BEND7: variants seen among roughly 807,000 people sequenced by gnomAD.
BEND7 encodes BEN domain containing 7.
In BEND7, 28 loss-of-function variants were observed where a neutral mutation model predicts 50.9. The ratio of observed to expected loss-of-function variants is 0.55; its 90% confidence interval spans 0.41 to 0.75. The LOEUF is 0.75. BEND7 is among the 30% of genes least tolerant of loss of function. The pLI is 0.00. For synonymous variants in BEND7, 170 were observed against 183.9 expected (o/e 0.92, Z 0.61); for missense variants, 477 against 491.3 (o/e 0.97, Z 0.28).
chr10:13,488,805 C>G (rs2076444672), intron 5 of BEND7, among the ~76,000 whole-genome samples: 1 of 152,138 alleles, frequency 6.6e-6, no homozygotes, highest in Non-Finnish European at 1.5e-5. Flanking sequence ...GTATTTAGAT[C>G]TGAAATTTAG....
chr10:13,447,124 C>T (rs1836516093), intron 8 of BEND7, 142 bp downstream of exon 8: 3 of 803,360 alleles, frequency 3.7e-6, no homozygotes, highest in Middle Eastern at 2.2e-4. Flanking sequence ...CCTTGAGAAG[C>T]TCCAATGACG....
At chr10:13,481,541 C>T (rs2399970) in intron 5 of BEND7, among the ~76,000 whole-genome samples, 1 of 152,032 alleles carries the variant, frequency 6.6e-6, no homozygotes, top group South Asian at 2.1e-4. Context: ...AGTTACAGAT[C>T]ACTTTCTCAT....
chr10:13,494,685 C>G (rs2076914336), intron 4 of BEND7, among the ~76,000 whole-genome samples: 1 of 152,214 alleles, frequency 6.6e-6, no homozygotes, highest in Non-Finnish European at 1.5e-5. Context: ...CCTCATGATT[C>G]TCAATTAGAA....
At chr10:13,442,822 T>C (rs972605110) in intron 8 of BEND7, 2 of 152,204 alleles carry the variant, frequency 1.3e-5, no homozygotes, top group Non-Finnish European at 2.9e-5. Flanking sequence ...AAATGGCTAT[T>C]TGGGGGGCAC....
At chr10:13,467,285 G>C (rs2074348133) in intron 6 of BEND7, among the ~76,000 whole-genome samples, 1 of 152,166 alleles carries the variant, frequency 6.6e-6, no homozygotes, top group South Asian at 2.1e-4. Flanking sequence ...ATACCTGGAG[G>C]GGAAGTATAC....
chr10:13,528,123 CA>C (rs1481729956), intron 1 of BEND7, among the ~76,000 whole-genome samples: 1 of 152,120 alleles, frequency 6.6e-6, no homozygotes, highest in Non-Finnish European at 1.5e-5. Flanking sequence ...CAGCAAATCT[CA>C]GGTCCGAGGG....
chr10:13,499,194 TAAC>T (rs2077256587), intron 3 of BEND7, among the ~76,000 whole-genome samples: 1 of 152,214 alleles, frequency 6.6e-6, no homozygotes, highest in African/African-American at 2.4e-5. Flanking sequence ...ATTCTTTTCT[TAAC>T]AATTAGGAAA....
At chr10:13,488,528 G>A (rs1183638382) in intron 5 of BEND7, among the ~76,000 whole-genome samples, 2 of 151,888 alleles carry the variant, frequency 1.3e-5, no homozygotes, top group South Asian at 2.1e-4. Flanking sequence ...TTGCTCTGTC[G>A]CCAGGCTGGA....
Position 13,447,334 on chromosome 10 carries a change from A to G in BEND7, c.1184-18T>C, listed in dbSNP as rs1220330040. 6.2e-7 allele frequency: 1 copy of G among 1,613,888 alleles called. No individual in the cohort carries two copies. The highest frequency in any genetic ancestry group is 8.5e-7 in the Non-Finnish European group (1 of 1,179,826). On this transcript the variant is annotated intron_variant, in intron 7 of 8. Transcript: ENST00000466271. The stretch of plus-strand genomic sequence containing the variant: ...CGCGATCTCTGCTGGTTACAAACAT[A>G]AGACACAAATCTCATTAGTTCCAGG...
In BEND7 at chr10:13,447,692, C is replaced by T. The variant is rs536761531; in HGVS notation, c.1184-376G>A. 6.3e-3 allele frequency among the ~76,000 whole-genome samples: 950 copies of T among 151,846 alleles called. 8 individuals are homozygous for T. Among genetic ancestry groups the T allele is most frequent in the African/African-American group, 0.022 (901 of 41,422 alleles). Reference sequence around the variant, plus strand: ...CCGAGTAGCTGGGACTACAGGCGCCCGCCACCACGCCTGGCTAATTTTTTG... The same window carrying T: ...CCGAGTAGCTGGGACTACAGGCGCCTGCCACCACGCCTGGCTAATTTTTTG... On this transcript the variant is annotated intron_variant, in intron 7 of 8. Coordinates refer to ENST00000466271, the MANE Select transcript of BEND7 (RefSeq NM_001369863.1).
Position 13,494,365 on chromosome 10 carries a change from C to T in BEND7, c.572-1489G>A, listed in dbSNP as rs143632664. 5.6e-3 allele frequency among the ~76,000 whole-genome samples: 851 copies of T among 152,200 alleles called. 9 individuals are homozygous for T. Among genetic ancestry groups the T allele is most frequent in the African/African-American group, 0.02 (817 of 41,514 alleles). On this transcript the variant is annotated intron_variant, in intron 4 of 8. Transcript: ENST00000466271. ...CCAGGAGGCGGAGGTTGCAGTGAGCCGAGATTACGCCACTGCACTCCAGCC... is the reference window on the plus strand; with the variant it reads ...CCAGGAGGCGGAGGTTGCAGTGAGCTGAGATTACGCCACTGCACTCCAGCC...
chr10:13,490,063 C>T (rs192796176), intron 5 of BEND7, among the ~76,000 whole-genome samples: 1 of 152,240 alleles, frequency 6.6e-6, no homozygotes. Flanking sequence ...TGAGTAGGGA[C>T]TATTGTTATC....
At chr10:13,494,193 C>A (rs990781655) in intron 4 of BEND7, among the ~76,000 whole-genome samples, 1 of 152,006 alleles carries the variant, frequency 6.6e-6, no homozygotes, top group Non-Finnish European at 1.5e-5. Flanking sequence ...CCGAGGTGGG[C>A]GGATCACGAG....
Position 13,496,862 on chromosome 10 carries a change from C to T in BEND7, c.475G>A (p.Ala159Thr), listed in dbSNP as rs777635118. The change falls in exon 4 of 9, where the codon GCT (alanine) becomes ACT (threonine). Residue 159 changes from alanine to threonine, a missense_variant. Ala to Thr is a moderately conservative substitution (Grantham distance 58, BLOSUM62 0). Around this residue, in one of 3 missense-constraint regions of BEND7, gnomAD observed 396 missense variants for 384.2 expected, o/e 1.03. Coordinates refer to ENST00000466271, the MANE Select transcript of BEND7 (RefSeq NM_001369863.1). ...NGELPVVNSS[A>T]GSNCCTCNCQ... is the part of the protein sequence containing the mutation. ...TTACAAGTACAGCAGTTTGATCCAGCTGATGAATTCACCACTGGAAGTTCT... is the reference window on the plus strand; with the variant it reads ...TTACAAGTACAGCAGTTTGATCCAGTTGATGAATTCACCACTGGAAGTTCT... 2.5e-6 allele frequency: 4 copies of T among 1,602,440 alleles called. 1 individual carries two copies. Among genetic ancestry groups the T allele is most frequent in the Admixed American group, 3.4e-5 (2 of 58,492 alleles).
intron 8 of BEND7, chr10:13,443,787 A>G (rs1835722921): frequency 2.6e-5 from 4 of 152,358 alleles, no homozygotes. Flanking sequence ...GTTAGGTAAA[A>G]ATCAAAAAAA....
At chr10:13,501,400 AAG>A (rs944672719) in intron 2 of BEND7, among the ~76,000 whole-genome samples, 5 of 151,718 alleles carry the variant, frequency 3.3e-5, no homozygotes, top group Non-Finnish European at 7.4e-5. Flanking sequence ...AAAAAAGAAA[AAG>A]AAAATATTTT....
chr10:13,514,619 C>T (rs1010233919), intron 2 of BEND7, among the ~76,000 whole-genome samples: 1 of 152,124 alleles, frequency 6.6e-6, no homozygotes, highest in Non-Finnish European at 1.5e-5. Flanking sequence ...CCTGCTCTAC[C>T]GTGTGCCGGC....
rs145085401 is a variant in BEND7 at position 13,485,651 on chromosome 10, G to T, written c.838-4527C>A. 1.3e-3 allele frequency among the ~76,000 whole-genome samples: 198 copies of T among 152,272 alleles called. 5 individuals are homozygous for T. The South Asian group carries it at 0.031, about 24-fold the overall frequency. On this transcript the variant is annotated intron_variant, in intron 5 of 8. Transcript: ENST00000466271. ...CTATGTCCATACCACTATATACAATGATCTTTTGTTCTTGTGTTTATTTCG... is the reference window on the plus strand; with the variant it reads ...CTATGTCCATACCACTATATACAATTATCTTTTGTTCTTGTGTTTATTTCG...
At position 13,498,134 on chromosome 10, in the gene BEND7, G is replaced by A. The variant is rs1331631887; in HGVS notation, c.449-1246C>T. ...TCTGCTGCACAGGCTGGAGTGCACT[G>A]GTATGATCTTGGTTCACTGCAACCC... On this transcript the variant is annotated intron_variant, in intron 3 of 8. Transcript: ENST00000466271. 4.9e-5 allele frequency among the ~76,000 whole-genome samples: 7 copies of A among 143,732 alleles called. 1 individual carries two copies. The Admixed American group carries it at 5.0e-4, about 10-fold the overall frequency. The allele number at this position is 143,732 out of a possible 152,430, so 94.3% of individuals were successfully genotyped here.
Sources: gnomAD v4.1 joint callset for allele counts (sites outside exome capture counted in the v4.1 genomes callset) on GRCh38, gnomAD v4.1.1 for gene constraint, gnomAD v4.1.1 regional missense constraint, MANE v1.5 for transcripts, NCBI Gene and HGNC (gene_info 2026-07-23, HGNC 2026-07-21) for gene names.